Variants in FAT3 observed in about 807,000 individuals in gnomAD.
The protein encoded by FAT3 is FAT atypical cadherin 3, also known as protocadherin Fat 3.
In FAT3, 95 loss-of-function variants were observed where a neutral mutation model predicts 310.2. The ratio of observed to expected loss-of-function variants is 0.31; its 90% CI spans 0.26 to 0.36. FAT3 has a LOEUF of 0.36. Among genes scored for constraint, FAT3 ranks in the 10% least tolerant of loss-of-function variants. FAT3 has a pLI of 1.00. For synonymous variants in FAT3, 2,314 were observed against 2,192.9 expected (o/e 1.06, Z -1.54); for missense variants, 5,408 against 5,715.6 (o/e 0.95, Z 1.74).
chr11:92,235,040 C>T (rs1365509791), intron 1 of FAT3, among the ~76,000 whole-genome samples: 2 of 151,262 alleles, frequency 1.3e-5, no homozygotes, highest in African/African-American at 2.4e-5. Flanking sequence ...CACTGCACTC[C>T]AGCCTGGGTG....
At chr11:92,851,006 T>G (rs1019903678) in intron 19 of FAT3, among the ~76,000 whole-genome samples, 1 of 152,170 alleles carries the variant, frequency 6.6e-6, no homozygotes, top group East Asian at 1.9e-4. Context: ...AATGGTCACA[T>G]GGTGTGCGTG....
At chr11:92,784,665 G>C (rs563550854) in intron 7 of FAT3, among the ~76,000 whole-genome samples, 1 of 152,170 alleles carries the variant, frequency 6.6e-6, no homozygotes, top group African/African-American at 2.4e-5. Context: ...ACATCTTTGA[G>C]AGTTACTTTG....
At chr11:92,613,703 G>A (rs1480817398) in intron 3 of FAT3, among the ~76,000 whole-genome samples, 1 of 152,152 alleles carries the variant, frequency 6.6e-6, no homozygotes, top group East Asian at 1.9e-4. Context: ...TCAGGCAACT[G>A]TACTGGGAAG....
chr11:92,851,555 A>G (rs748299100), intron 19 of FAT3, among the ~76,000 whole-genome samples: 8 of 152,136 alleles, frequency 5.3e-5, no homozygotes, highest in Non-Finnish European at 1.0e-4. Context: ...CCACCTTCCC[A>G]AGAGAAACTG....
At chr11:92,763,829 C>T (rs1016442283) in intron 5 of FAT3, among the ~76,000 whole-genome samples, 42 of 152,102 alleles carry the variant, frequency 2.8e-4, no homozygotes, top group African/African-American at 1.0e-3. Context: ...AAATGCCTGT[C>T]TTAGCTCCTG....
At chr11:92,262,833 G>A (rs1357057367) in intron 1 of FAT3, among the ~76,000 whole-genome samples, 1 of 152,102 alleles carries the variant, frequency 6.6e-6, no homozygotes, top group African/African-American at 2.4e-5. Context: ...CAAAATGCAA[G>A]TGGTTGCAAA....
At chr11:92,776,401 G>T (rs1347633517) in intron 7 of FAT3, among the ~76,000 whole-genome samples, 1 of 152,192 alleles carries the variant, frequency 6.6e-6, no homozygotes, top group Non-Finnish European at 1.5e-5. Flanking sequence ...AGAACCAGAT[G>T]AGAAATCATT....
chr11:92,426,971 T>C (rs911723262), intron 2 of FAT3, among the ~76,000 whole-genome samples: 1 of 152,206 alleles, frequency 6.6e-6, no homozygotes, highest in Non-Finnish European at 1.5e-5. Flanking sequence ...TTGGGTAGTA[T>C]GGCCATTTTC....
At chr11:92,539,326 A>G (rs964760242) in intron 3 of FAT3, among the ~76,000 whole-genome samples, 2 of 152,202 alleles carry the variant, frequency 1.3e-5, no homozygotes, top group African/African-American at 4.8e-5. Context: ...TCAGATAATC[A>G]GTCTCCAAAT....
chr11:92,698,829 A>G (rs549153267), intron 4 of FAT3, among the ~76,000 whole-genome samples: 1 of 152,302 alleles, frequency 6.6e-6, no homozygotes, highest in East Asian at 1.9e-4. Flanking sequence ...AAGACAGTCC[A>G]GGACACCTGG....
intron 2 of FAT3, among the ~76,000 whole-genome samples, chr11:92,464,871 G>A (rs1389446248): frequency 1.3e-5 from 2 of 152,134 alleles, no homozygotes; most frequent in African/African-American, 2.4e-5. Flanking sequence ...CTGTTTGAGA[G>A]GACCATGCCA....
At chr11:92,534,995 G>A (rs751337503) in intron 3 of FAT3, among the ~76,000 whole-genome samples, 1 of 152,198 alleles carries the variant, frequency 6.6e-6, no homozygotes, top group Non-Finnish European at 1.5e-5. Flanking sequence ...AGGCCTCTTT[G>A]TGTAGATTCC....
intron 1 of FAT3, among the ~76,000 whole-genome samples, chr11:92,304,264 G>A (rs1366761898): frequency 1.3e-5 from 2 of 152,086 alleles, no homozygotes; most frequent in Non-Finnish European, 2.9e-5. Context: ...ACTTCCTGGA[G>A]TGGTTTCTCT....
At chr11:92,231,802 AG>A (rs1458328280) in intron 1 of FAT3, among the ~76,000 whole-genome samples, 4 of 72,414 alleles carry the variant, frequency 5.5e-5, no homozygotes, top group Middle Eastern at 0.013. Flanking sequence ...TATAAATATC[AG>A]GGTTTTTTTT....
chr11:92,868,795 A>T (rs901909211), intron 22 of FAT3, among the ~76,000 whole-genome samples: 3 of 152,114 alleles, frequency 2.0e-5, no homozygotes, highest in Non-Finnish European at 4.4e-5. Context: ...TTTAATTTTT[A>T]AAAAAATTTC....
At chr11:92,607,646 A>G (rs1233891931) in intron 3 of FAT3, among the ~76,000 whole-genome samples, 1 of 152,190 alleles carries the variant, frequency 6.6e-6, no homozygotes, top group African/African-American at 2.4e-5. Flanking sequence ...AGTAGGATAA[A>G]CAATTCAAAT....
intron 4 of FAT3, among the ~76,000 whole-genome samples, chr11:92,742,926 G>A (rs1426207493): frequency 4.6e-5 from 7 of 152,192 alleles, no homozygotes; most frequent in Non-Finnish European, 1.0e-4. Context: ...AGGTGTAGCG[G>A]TGTTAGACAC....
chr11:92,865,965 G>A lies in FAT3; in HGVS notation c.11659-776G>A, dbSNP rs917047628. Among the ~76,000 whole-genome samples the A allele has an allele frequency of 5.3e-5, 8 of 152,334 alleles. No individual in the cohort carries two copies. The South Asian group carries it at 1.0e-3, about 20-fold the overall frequency. ...CTGGGAGCATTCATGAGGGCCAGGT[G>A]TCACAAACGATCCAGATATTCTAAG... On this transcript the variant is annotated intron_variant, in intron 21 of 27. Transcript: ENST00000525166.
intron 2 of FAT3, among the ~76,000 whole-genome samples, chr11:92,458,454 A>C (rs1263661629): frequency 6.6e-6 from 1 of 152,128 alleles, no homozygotes; most frequent in Non-Finnish European, 1.5e-5. Flanking sequence ...CTCTACTATT[A>C]ACCCAGTAGG....
Sources: allele counts gnomAD v4.1 joint callset (sites outside exome capture counted in the v4.1 genomes callset), GRCh38; gene constraint gnomAD v4.1.1; transcripts MANE v1.5; gene names NCBI Gene and HGNC (gene_info 2026-07-23, HGNC 2026-07-21).